CFTR: variants seen among roughly 807,000 people sequenced by gnomAD.
The protein encoded by CFTR is cystic fibrosis transmembrane conductance regulator.
A neutral mutation model predicts 171.6 loss-of-function variants in CFTR; 181 were observed. The ratio of observed to expected loss-of-function variants is 1.05; its 90% confidence interval spans 0.93 to 1.19. The LOEUF is 1.19. Among genes scored for constraint, CFTR ranks in the 50% most tolerant of loss-of-function variants. The pLI is 0.00. For synonymous variants in CFTR, 583 were observed against 608.0 expected (o/e 0.96, Z 0.60); for missense variants, 1,968 against 1,734.7 (o/e 1.13, Z -2.39).
At chr7:117,584,856 T>G (rs1388545062) in intron 11 of CFTR, among the ~76,000 whole-genome samples, 1 of 152,156 alleles carries the variant, frequency 6.6e-6, no homozygotes, top group Admixed American at 6.6e-5. Flanking sequence ...GAGCAGCATT[T>G]TGTAGTTTTC....
intron 3 of CFTR, among the ~76,000 whole-genome samples, chr7:117,529,728 T>C (rs895524015): frequency 6.6e-6 from 1 of 151,928 alleles, no homozygotes; most frequent in Admixed American, 6.6e-5. Flanking sequence ...GGGCTGGAGG[T>C]ATTGGATACT....
In CFTR at chr7:117,548,656, T is replaced by A. The variant is rs754860444; in HGVS notation, c.1225T>A (p.Phe409Ile). 3.7e-6 allele frequency: 6 copies of A among 1,613,110 alleles called. No individual in the cohort carries two copies. Among genetic ancestry groups the A allele is most frequent in the South Asian group, 1.1e-5 (1 of 91,028 alleles). ...TTTTTAACAGGGATTTGGGGAATTA[T>A]TTGAGAAAGCAAAACAAAACAATAA... ...AFWEEGFGEL[F>I]EKAKQNNNNR... Residue 409 changes from phenylalanine (F) to isoleucine (I), a missense_variant, in exon 10 of 27, where the codon TTT becomes ATT. By Grantham distance (21) the Phe-to-Ile change is conservative. Transcript: ENST00000003084.
intron 6 of CFTR, among the ~76,000 whole-genome samples, chr7:117,536,035 A>G (rs1798949157): frequency 6.6e-6 from 1 of 152,038 alleles, no homozygotes; most frequent in South Asian, 2.1e-4. Flanking sequence ...AGCTTTTACT[A>G]CTCTGGTTTA....
intron 11 of CFTR, among the ~76,000 whole-genome samples, chr7:117,570,662 T>C (rs975457452): frequency 3.3e-5 from 5 of 152,344 alleles, no homozygotes; most frequent in South Asian, 4.1e-4. Context: ...TGCTATGCCC[T>C]ATTAGTGTTC....
chr7:117,612,853 G>T (rs967116654), intron 20 of CFTR, among the ~76,000 whole-genome samples: 3 of 152,074 alleles, frequency 2.0e-5, no homozygotes, highest in African/African-American at 4.8e-5. Context: ...CTGAAGACTG[G>T]TTTTTCTGGT....
At chr7:117,508,974 T>C in intron 2 of CFTR, 60 bp from the exon 3 acceptor site, 2 of 1,024,310 alleles carry the variant, frequency 2.0e-6, no homozygotes, top group Non-Finnish European at 3.1e-6. Context: ...TTAAGGGAAA[T>C]AGGACAACTA....
chr7:117,612,052 T>TATAC lies in CFTR; in HGVS notation c.3367+245_3367+246insTACA, dbSNP rs1379044306. On this transcript the variant is annotated intron_variant, in intron 20 of 26. Coordinates refer to ENST00000003084, the MANE Select transcript of CFTR (RefSeq NM_000492.4). ...ATATATATATATATATATATATATA[T>TATAC]ACATATATATATATAGTATTATCCC... Among the ~76,000 whole-genome samples, 9 of 70,876 alleles carry TATAC rather than the reference T, an allele frequency of 1.3e-4. No individual in the cohort carries two copies. The South Asian group carries it at 1.5e-3, about 12-fold the overall frequency. 46.5% of individuals were successfully genotyped at this position (70,876 alleles called of 152,430 possible). A position where few individuals can be genotyped will look rare whatever the true frequency, so the allele number is the denominator to read the frequency against.
chr7:117,578,249 C>A (rs1048497468), intron 11 of CFTR, among the ~76,000 whole-genome samples: 1 of 152,112 alleles, frequency 6.6e-6, no homozygotes, highest in African/African-American at 2.4e-5. Flanking sequence ...CCTTGCTCTT[C>A]CTCCTCAGCT....
intron 20 of CFTR, among the ~76,000 whole-genome samples, chr7:117,614,343 C>T (rs1311458325): frequency 6.6e-6 from 1 of 152,086 alleles, no homozygotes; most frequent in Non-Finnish European, 1.5e-5. Flanking sequence ...AACAACACCT[C>T]CAATACCAGT....
intron 3 of CFTR, among the ~76,000 whole-genome samples, chr7:117,521,233 C>T (rs1421110763): frequency 6.6e-6 from 1 of 151,968 alleles, no homozygotes; most frequent in Non-Finnish European, 1.5e-5. Flanking sequence ...ATTTGTTACA[C>T]AATCATATTC....
chr7:117,561,903 C>A (rs912336263), intron 11 of CFTR, among the ~76,000 whole-genome samples: 5 of 152,028 alleles, frequency 3.3e-5, no homozygotes, highest in Non-Finnish European at 5.9e-5. Flanking sequence ...GAATGATTCA[C>A]CATGCAATTC....
intron 3 of CFTR, among the ~76,000 whole-genome samples, chr7:117,513,904 T>C (rs1377966612): frequency 6.6e-5 from 10 of 152,206 alleles, no homozygotes; most frequent in Admixed American, 6.5e-4. Flanking sequence ...ATGCACTTTC[T>C]TGTGCTGCCT....
chr7:117,589,176 T>C (rs992772452), intron 12 of CFTR, among the ~76,000 whole-genome samples: 4 of 152,174 alleles, frequency 2.6e-5, no homozygotes, highest in Admixed American at 2.6e-4. Context: ...TTCTTATTTC[T>C]AATCTCATAA....
intron 10 of CFTR, among the ~76,000 whole-genome samples, chr7:117,553,491 C>T (rs1799304077): frequency 1.3e-5 from 2 of 152,138 alleles, no homozygotes; most frequent in Admixed American, 6.5e-5. Context: ...ATGTCCTTCC[C>T]TGAAATTTGT....
intron 9 of CFTR, 126 bp from the exon 10 acceptor site, chr7:117,548,515 T>C: frequency 1.3e-6 from 2 of 1,515,430 alleles, no homozygotes; most frequent in South Asian, 1.2e-5. Context: ...GTATACAGTG[T>C]AATGGATCAT....
chr7:117,650,150 G>T (rs1257579203), intron 23 of CFTR, among the ~76,000 whole-genome samples: 1 of 151,444 alleles, frequency 6.6e-6, no homozygotes, highest in Non-Finnish European at 1.5e-5. Flanking sequence ...TTTGTTAAAA[G>T]GTCAATGAAA....
At chr7:117,532,412 A>C (rs1009194058) in intron 4 of CFTR, among the ~76,000 whole-genome samples, 1 of 152,224 alleles carries the variant, frequency 6.6e-6, no homozygotes, top group South Asian at 2.1e-4. Context: ...AGGTACTATT[A>C]TCCCTATCTT....
At chr7:117,509,925 G>A (rs945593913) in intron 3 of CFTR, among the ~76,000 whole-genome samples, 2 of 152,246 alleles carry the variant, frequency 1.3e-5, no homozygotes, top group East Asian at 1.9e-4. Context: ...GGATTGACTT[G>A]TGTTTATATT....
intron 2 of CFTR, among the ~76,000 whole-genome samples, chr7:117,508,152 C>G (rs949331257): frequency 1.3e-5 from 2 of 152,192 alleles, no homozygotes; most frequent in Non-Finnish European, 2.9e-5. Flanking sequence ...ACTGATGAAA[C>G]GTAAAGCCTT....
Sources: allele counts gnomAD v4.1 joint callset (sites outside exome capture counted in the v4.1 genomes callset), GRCh38; gene constraint gnomAD v4.1.1; transcripts MANE v1.5; gene names NCBI Gene and HGNC (gene_info 2026-07-23, HGNC 2026-07-21).